The following RBBP8 variants were observed in gnomAD, a reference collection of about 807,000 sequenced individuals.
RBBP8 encodes the protein DNA endonuclease RBBP8.
RBBP8 carries 88 observed loss-of-function variants against 108.3 expected under a neutral mutation model. The observed-to-expected ratio is 0.81, with a 90% CI of 0.68 to 0.97. The LOEUF (loss-of-function observed/expected upper bound fraction) is 0.97, where lower values mean the gene tolerates loss of function less well. Among genes scored for constraint, RBBP8 ranks in the 50% least tolerant of loss-of-function variants. The pLI is 0.00. For missense variants in RBBP8, 1,023 were observed against 1,049.0 expected, an observed-to-expected ratio of 0.98 and a Z score of 0.34; for synonymous variants, 332 against 348.2, an observed-to-expected ratio of 0.95 and a Z score of 0.52.
chr18:22,969,262 A>C (rs1354122619), intron 5 of RBBP8, among the ~76,000 whole-genome samples: 1 of 151,988 alleles, frequency 6.6e-6, no homozygotes, highest in African/African-American at 2.4e-5. Context: ...AGTTAAATAC[A>C]AAGCAGACAA....
In RBBP8 at chr18:22,993,332, G is replaced by T. The variant is rs186510646; in HGVS notation, c.1505G>T (p.Arg502Leu). Residue 502 changes from arginine (R) to leucine (L), a missense_variant, in exon 11 of 19, where the codon CGT (arginine) becomes CTT (leucine). Arg to Leu is a moderately radical substitution (Grantham distance 102). Coordinates refer to ENST00000327155, the MANE Select transcript of RBBP8 (RefSeq NM_002894.3). ...DLSDRFSAIQ[R>L]QEKSQGSETS... ...TCTGATCGATTTTCAGCTATTCAGC[G>T]TCAAGAGAAAAGCCAAGGAAGTGAG... 9.3e-6 allele frequency: 15 copies of T among 1,614,070 alleles called. No individual in the cohort carries two copies. Among genetic ancestry groups the T allele is most frequent in the Non-Finnish European group, 1.2e-5 (14 of 1,180,036 alleles).
At chr18:22,937,530 A>G (rs1220504940) in intron 2 of RBBP8, among the ~76,000 whole-genome samples, 2 of 148,756 alleles carry the variant, frequency 1.3e-5, no homozygotes, top group Non-Finnish European at 3.0e-5. Context: ...TCACTGTGTC[A>G]CCAGGCTGGG....
chr18:22,964,788 C>A (rs1180257958), intron 4 of RBBP8, among the ~76,000 whole-genome samples: 1 of 152,002 alleles, frequency 6.6e-6, no homozygotes, highest in Admixed American at 6.6e-5. Flanking sequence ...GGCTGCCACA[C>A]CTGGATACTA....
chr18:22,949,547 G>A (rs928604822), intron 3 of RBBP8, 71 bp from the exon 4 acceptor site: 10 of 1,098,578 alleles, frequency 9.1e-6, no homozygotes, highest in African/African-American at 4.6e-5. Flanking sequence ...ATATAAACAC[G>A]GTGGAGCTCT....
At chr18:22,923,069 C>A (rs560742356) in intron 3 of RBBP8, among the ~76,000 whole-genome samples, 2 of 152,294 alleles carry the variant, frequency 1.3e-5, no homozygotes, top group East Asian at 1.9e-4. Context: ...TTGAAGAGAT[C>A]TGATTAGCTG....
intron 4 of RBBP8, among the ~76,000 whole-genome samples, chr18:22,964,388 T>G (rs1913387156): frequency 6.6e-6 from 1 of 151,272 alleles, no homozygotes; most frequent in African/African-American, 2.4e-5. Context: ...TTTTTTTTTT[T>G]TCTTTTCAGT....
chr18:22,951,656 C>G (rs1912052909), intron 4 of RBBP8, among the ~76,000 whole-genome samples: 1 of 152,194 alleles, frequency 6.6e-6, no homozygotes, highest in African/African-American at 2.4e-5. Flanking sequence ...GCTTTGTCCC[C>G]ATGACTGTGT....
At chr18:22,988,737 C>T (rs1431761384) in intron 8 of RBBP8, among the ~76,000 whole-genome samples, 1 of 152,124 alleles carries the variant, frequency 6.6e-6, no homozygotes, top group South Asian at 2.1e-4. Context: ...AATAAGTGCT[C>T]CATAAATATT....
chr18:22,944,926 T>C (rs552479355), intron 2 of RBBP8, among the ~76,000 whole-genome samples: 1 of 152,232 alleles, frequency 6.6e-6, no homozygotes, highest in African/African-American at 2.4e-5. Flanking sequence ...GTCTAAATTA[T>C]GTTGTCCAAA....
chr18:22,968,721 T>C, intron 4 of RBBP8, 85 bp from the exon 5 acceptor site: 9 of 1,079,798 alleles, frequency 8.3e-6, no homozygotes, highest in Non-Finnish European at 1.3e-5. Context: ...GCCAAGTCAG[T>C]TCCTTAAATC....
chr18:23,012,093 G>A (rs2046173841), intron 16 of RBBP8, among the ~76,000 whole-genome samples: 1 of 149,238 alleles, frequency 6.7e-6, no homozygotes, highest in South Asian at 2.1e-4. Context: ...AGTTCCAACT[G>A]TTATACTGCG....
At chr18:22,931,455 G>A (rs572117793), upstream of RBBP8, among the ~76,000 whole-genome samples, 2 of 152,322 alleles carry the variant, frequency 1.3e-5, no homozygotes, top group South Asian at 4.1e-4. Flanking sequence ...CACAGTAGCT[G>A]CAGTATAGAG....
intron 14 of RBBP8, among the ~76,000 whole-genome samples, chr18:22,999,904 T>C (rs2045918672): frequency 6.6e-6 from 1 of 152,196 alleles, no homozygotes; most frequent in Non-Finnish European, 1.5e-5. Context: ...ACAAACAGCA[T>C]ACACAGAATG....
chr18:22,972,853 A>G (rs1004393313), intron 5 of RBBP8, among the ~76,000 whole-genome samples: 4 of 152,176 alleles, frequency 2.6e-5, no homozygotes, highest in African/African-American at 4.8e-5. Flanking sequence ...TTACCTTTCA[A>G]TTAGCCCAAG....
chr18:22,953,479 T>G (rs1466454164), intron 4 of RBBP8, among the ~76,000 whole-genome samples: 2 of 152,238 alleles, frequency 1.3e-5, no homozygotes, highest in African/African-American at 2.4e-5. Flanking sequence ...AACATTGGCT[T>G]AATACAATTG....
chr18:22,930,966 A>G (rs1910002105), upstream of RBBP8, among the ~76,000 whole-genome samples: 1 of 151,992 alleles, frequency 6.6e-6, no homozygotes, highest in Non-Finnish European at 1.5e-5. Flanking sequence ...AATAGGAGAC[A>G]AGATTTCACT....
intron 8 of RBBP8, among the ~76,000 whole-genome samples, chr18:22,988,967 AC>A (rs1226844977): frequency 3.3e-5 from 5 of 152,212 alleles, no homozygotes; most frequent in Admixed American, 6.5e-5. Context: ...AAAATTATCT[AC>A]CTATTGCATT....
At chr18:22,984,113 C>T (rs892342002) in intron 7 of RBBP8, among the ~76,000 whole-genome samples, 2 of 152,012 alleles carry the variant, frequency 1.3e-5, no homozygotes, top group Admixed American at 6.6e-5. Flanking sequence ...ATTTTAAATG[C>T]TTTAATGACT....
intron 8 of RBBP8, among the ~76,000 whole-genome samples, chr18:22,988,508 T>C (rs1454483798): frequency 6.6e-6 from 1 of 152,204 alleles, no homozygotes; most frequent in Non-Finnish European, 1.5e-5. Context: ...TATTCTTCCT[T>C]CTCTCGAGTC....
Sources: allele counts gnomAD v4.1 joint callset (sites outside exome capture counted in the v4.1 genomes callset), GRCh38; gene constraint gnomAD v4.1.1; transcripts MANE v1.5; gene names NCBI Gene and HGNC (gene_info 2026-07-23, HGNC 2026-07-21).